Variants in MAGI2 observed in about 807,000 individuals in gnomAD.
The protein encoded by MAGI2 is membrane-associated guanylate kinase, WW and PDZ domain-containing protein 2.
MAGI2 carries 35 observed loss-of-function variants against 133.3 expected under a neutral mutation model. The observed-to-expected ratio is 0.26, with a 90% CI of 0.20 to 0.35. MAGI2 has a LOEUF of 0.35. MAGI2 is among the 10% of genes least tolerant of loss of function. The pLI is 1.00. For missense variants in MAGI2, 1,636 were observed against 1,863.4 expected (o/e 0.88, Z 2.25); for synonymous variants, 729 against 710.6 (o/e 1.03, Z -0.41).
chr7:78,680,523 G>A (rs1009548767), intron 2 of MAGI2, among the ~76,000 whole-genome samples: 1 of 152,028 alleles, frequency 6.6e-6, no homozygotes, highest in African/African-American at 2.4e-5. Flanking sequence ...GGCCTTTTAG[G>A]GTTCATGTAA....
At chr7:78,441,654 G>A (rs200727493) in intron 6 of MAGI2, among the ~76,000 whole-genome samples, 14 of 146,670 alleles carry the variant, frequency 9.5e-5, no homozygotes, top group African/African-American at 1.2e-4. Flanking sequence ...TAATTTTAAG[G>A]AAAAAAAAAA....
chr7:78,249,599 A>C (rs1215606472), intron 10 of MAGI2, among the ~76,000 whole-genome samples: 1 of 152,166 alleles, frequency 6.6e-6, no homozygotes, highest in Non-Finnish European at 1.5e-5. Context: ...TAAGTATGCC[A>C]GGCCCAGAAA....
intron 1 of MAGI2, among the ~76,000 whole-genome samples, chr7:79,087,386 C>A (rs1031166032): frequency 2.6e-5 from 4 of 151,904 alleles, no homozygotes; most frequent in Non-Finnish European, 4.4e-5. Flanking sequence ...TTCTTAAAAT[C>A]ATTCCTGTAG....
chr7:78,267,267 C>T (rs17150462), intron 9 of MAGI2, among the ~76,000 whole-genome samples: 1 of 152,050 alleles, frequency 6.6e-6, no homozygotes, highest in Non-Finnish European at 1.5e-5. Flanking sequence ...TTCAGAAGTG[C>T]TGCAGCATTA....
At chr7:79,379,018 T>G (rs1294977080) in intron 1 of MAGI2, among the ~76,000 whole-genome samples, 4 of 148,220 alleles carry the variant, frequency 2.7e-5, no homozygotes, top group Non-Finnish European at 6.0e-5. Flanking sequence ...CACGCAGGTT[T>G]GTTACATATG....
intron 2 of MAGI2, among the ~76,000 whole-genome samples, chr7:78,972,816 A>G (rs960623644): frequency 6.6e-6 from 1 of 151,888 alleles, no homozygotes; most frequent in African/African-American, 2.4e-5. Context: ...AATTATATTC[A>G]TAAAAATATC....
intron 2 of MAGI2, among the ~76,000 whole-genome samples, chr7:78,957,313 A>T (rs1368684153): frequency 1.3e-5 from 2 of 150,514 alleles, no homozygotes; most frequent in African/African-American, 2.4e-5. Context: ...AAATTTAGGA[A>T]CCCCTCCTAA....
chr7:78,214,022 A>C lies in MAGI2; in HGVS notation c.2048-12829T>G, dbSNP rs112383927. Among the ~76,000 whole-genome samples, 482 of 152,328 alleles carry C rather than the reference A, an allele frequency of 3.2e-3. 2 individuals are homozygous for C. The highest frequency in any genetic ancestry group is 0.011 in the African/African-American group (454 of 41,572). On this transcript the variant is annotated intron_variant, in intron 10 of 21. Coordinates refer to ENST00000354212, the MANE Select transcript of MAGI2 (RefSeq NM_012301.4). ...TGCTGTTGAGTTGGAATAAAACGTG[A>C]GACCTACTGCTCCATAATTGGAGAC...
chr7:78,577,202 T>C (rs1162305903), intron 3 of MAGI2, among the ~76,000 whole-genome samples: 3 of 152,294 alleles, frequency 2.0e-5, no homozygotes, highest in South Asian at 4.1e-4. Context: ...AAATAGGTGC[T>C]ACTAATTTTA....
At chr7:79,227,841 T>C (rs1830984857) in intron 1 of MAGI2, among the ~76,000 whole-genome samples, 1 of 152,230 alleles carries the variant, frequency 6.6e-6, no homozygotes, top group South Asian at 2.1e-4. Context: ...AGATAATTTC[T>C]TCTTGGTTGC....
At chr7:78,916,055 CATGTGAGCAT>C (rs1798768662) in intron 2 of MAGI2, among the ~76,000 whole-genome samples, 1 of 152,096 alleles carries the variant, frequency 6.6e-6, no homozygotes, top group African/African-American at 2.4e-5. Context: ...GCATAGTTCA[CATGTGAGCAT>C]ATGGTTTAGA....
At chr7:78,540,741 C>A (rs984118499) in intron 3 of MAGI2, among the ~76,000 whole-genome samples, 1 of 152,152 alleles carries the variant, frequency 6.6e-6, no homozygotes. Context: ...GAAGTGGCTT[C>A]CCTGGGCTTC....
chr7:79,384,957 G>A (rs986356951), intron 1 of MAGI2, among the ~76,000 whole-genome samples: 6 of 151,560 alleles, frequency 4.0e-5, no homozygotes, highest in Non-Finnish European at 8.9e-5. Flanking sequence ...CTGTCACTAT[G>A]TACCTTCTTA....
At chr7:78,374,053 CAA>C (rs1218785253) in intron 6 of MAGI2, among the ~76,000 whole-genome samples, 1 of 152,058 alleles carries the variant, frequency 6.6e-6, no homozygotes, top group African/African-American at 2.4e-5. Context: ...AGTGCTACAG[CAA>C]AAATATGTGA....
intron 9 of MAGI2, among the ~76,000 whole-genome samples, chr7:78,257,074 A>G (rs1793065211): frequency 1.3e-5 from 2 of 151,982 alleles, no homozygotes; most frequent in African/African-American, 4.8e-5. Context: ...ATATTTGCCC[A>G]TTTATTTTTT....
At chr7:78,143,815 T>C (rs3823787) in intron 16 of MAGI2, among the ~76,000 whole-genome samples, 56,919 of 151,950 alleles carry the variant, frequency 0.37, 10,844 homozygotes, top group Non-Finnish European at 0.41. Context: ...TTATGAAACT[T>C]AGGATTTTTG....
chr7:79,439,337 C>T (rs1418302243), intron 1 of MAGI2, among the ~76,000 whole-genome samples: 2 of 152,098 alleles, frequency 1.3e-5, no homozygotes, highest in African/African-American at 4.8e-5. Flanking sequence ...ATTCTAATAA[C>T]CACCCTCTAA....
intron 1 of MAGI2, among the ~76,000 whole-genome samples, chr7:79,152,546 GT>G (rs576539157): frequency 6.6e-6 from 1 of 151,550 alleles, no homozygotes; most frequent in Admixed American, 6.6e-5. Flanking sequence ...AAACACAGAA[GT>G]TTTTTTTTAC....
chr7:79,257,413 T>C (rs189047537), intron 1 of MAGI2, among the ~76,000 whole-genome samples: 263 of 152,268 alleles, frequency 1.7e-3, no homozygotes, highest in African/African-American at 6.0e-3. Flanking sequence ...AAATCCAAAC[T>C]GTAGAGTTCA....
Sources: allele counts gnomAD v4.1 joint callset (sites outside exome capture counted in the v4.1 genomes callset), GRCh38; gene constraint gnomAD v4.1.1; transcripts MANE v1.5; gene names NCBI Gene and HGNC (gene_info 2026-07-23, HGNC 2026-07-21).